EFHD1: variants seen among roughly 807,000 people sequenced by gnomAD.
The protein encoded by EFHD1 is EF-hand domain-containing protein D1.
EFHD1 carries 10 observed loss-of-function variants against 17.2 expected under a neutral mutation model. The observed-to-expected ratio is 0.58, with a 90% CI of 0.36 to 0.99. The LOEUF (loss-of-function observed/expected upper bound fraction) is 0.99. Ranked by LOEUF, EFHD1 falls within the 50% of genes least tolerant of loss-of-function variation. EFHD1 has a pLI of 0.01. For synonymous variants in EFHD1, 153 were observed against 142.0 expected (o/e 1.08, Z -0.55); for missense variants, 310 against 327.5 (o/e 0.95, Z 0.41).
chr2:232,656,573 C>T (rs564661016), intron 1 of EFHD1, among the ~76,000 whole-genome samples: 1 of 151,896 alleles, frequency 6.6e-6, no homozygotes, highest in Non-Finnish European at 1.5e-5. Flanking sequence ...GGAGCTGGAA[C>T]CACAGGCACA....
At chr2:232,666,498 A>G (rs936788146) in intron 2 of EFHD1, among the ~76,000 whole-genome samples, 1 of 152,186 alleles carries the variant, frequency 6.6e-6, no homozygotes, top group African/African-American at 2.4e-5. Flanking sequence ...GTGGCTTGCA[A>G]TTGCCAAATG....
chr2:232,662,153 G>A (rs1353482126), intron 1 of EFHD1, among the ~76,000 whole-genome samples: 1 of 152,098 alleles, frequency 6.6e-6, no homozygotes, highest in African/African-American at 2.4e-5. Flanking sequence ...TTTCCTGGCT[G>A]GGGGCTGGGG....
intron 2 of EFHD1, among the ~76,000 whole-genome samples, chr2:232,663,677 T>C (rs992837018): frequency 1.3e-5 from 2 of 152,112 alleles, no homozygotes; most frequent in Admixed American, 1.3e-4. Flanking sequence ...ACATGTGATA[T>C]CTCGATATAA....
intron 1 of EFHD1, among the ~76,000 whole-genome samples, chr2:232,615,336 T>A (rs62191606): frequency 3.7e-4 from 41 of 111,780 alleles, no homozygotes; most frequent in Non-Finnish European, 7.4e-4. Flanking sequence ...TGTGTGTGTG[T>A]GTGTGTGTGT....
intron 1 of EFHD1, among the ~76,000 whole-genome samples, chr2:232,611,048 T>C (rs774182883): frequency 9.2e-5 from 14 of 152,212 alleles, no homozygotes; most frequent in Middle Eastern, 3.4e-3. Context: ...CGTGGTGGTG[T>C]GCACCCATCG....
chr2:232,672,395 T>C lies in EFHD1; in HGVS notation c.537T>C (p.Asp179=), dbSNP rs748014873. 1 of 1,613,940 alleles carries C rather than the reference T, an allele frequency of 6.2e-7. No homozygotes were observed. The highest frequency in any genetic ancestry group is 8.5e-7 in the Non-Finnish European group (1 of 1,179,878). Residue 179 remains aspartate, a synonymous_variant, in exon 3 of 4, where the codon GAT becomes GAC. Transcript: ENST00000264059. ...CGCTGGCAAAGCTTTCTGAGATCGA[T>C]GTGGCCCTGGAGGGTGTCAAAGGTG... The part of the protein sequence containing the change: ...LMALAKLSEI[D]VALEGVKGAK...
chr2:232,610,359 C>A (rs894120058), intron 1 of EFHD1, among the ~76,000 whole-genome samples: 7 of 152,184 alleles, frequency 4.6e-5, no homozygotes, highest in African/African-American at 1.7e-4. Flanking sequence ...GAGAGAGGGC[C>A]TGGTCAGGAC....
chr2:232,676,647 G>A (rs930811784), intron 3 of EFHD1, among the ~76,000 whole-genome samples: 13 of 152,110 alleles, frequency 8.5e-5, no homozygotes, highest in Admixed American at 6.6e-5. Context: ...GGGTGCTTCT[G>A]GGCACCTCAC....
chr2:232,635,675 C>T (rs1449760042), intron 1 of EFHD1, among the ~76,000 whole-genome samples: 2 of 152,024 alleles, frequency 1.3e-5, no homozygotes, highest in African/African-American at 4.8e-5. Context: ...AAGAATTAGC[C>T]GGGAGTGGTG....
intron 1 of EFHD1, chr2:232,606,224 C>G: frequency 6.5e-7 from 1 of 1,544,536 alleles, no homozygotes; most frequent in Non-Finnish European, 8.8e-7. Flanking sequence ...CGATTTTCGA[C>G]GTTTTCCAGG....
chr2:232,608,143 G>A (rs1693753031), intron 1 of EFHD1, among the ~76,000 whole-genome samples: 1 of 152,162 alleles, frequency 6.6e-6, no homozygotes, highest in Non-Finnish European at 1.5e-5. Context: ...GCCAAGGCAG[G>A]TGGTTCACTT....
At chr2:232,638,225 T>C (rs1395085868) in intron 1 of EFHD1, 2 of 411,040 alleles carry the variant, frequency 4.9e-6, no homozygotes, top group South Asian at 1.9e-5. Flanking sequence ...CCTGGACTTA[T>C]CTGGAGGCCT....
chr2:232,613,673 A>C (rs201465436), intron 1 of EFHD1, among the ~76,000 whole-genome samples: 12 of 23,270 alleles, frequency 5.2e-4, no homozygotes, highest in East Asian at 2.2e-3. Context: ...CACACACACA[A>C]ATATACACAC....
At chr2:232,677,233 CACACACACGT>C (rs1695192306) in intron 3 of EFHD1, among the ~76,000 whole-genome samples, 1 of 140,092 alleles carries the variant, frequency 7.1e-6, no homozygotes. Context: ...CACACACACA[CACACACACGT>C]ACACACACAC....
In EFHD1 at chr2:232,681,838, C is replaced by A; in HGVS notation, c.*119C>A. 1.4e-6 allele frequency: 2 copies of A among 1,421,590 alleles called. No individual in the cohort carries two copies. Among genetic ancestry groups the A allele is most frequent in the Non-Finnish European group, 1.9e-6 (2 of 1,071,458 alleles). 88.1% of individuals were successfully genotyped at this position (1,421,590 alleles called of 1,614,324 possible). A position where few individuals can be genotyped will look rare whatever the true frequency, so the allele number is the denominator to read the frequency against. On this transcript the variant is annotated 3_prime_UTR_variant, in exon 4 of 4. Transcript: ENST00000264059. ...CCTGAGCCAGCATCTCCATCCACCA[C>A]CCCGTGCCAGCTCCCGTGCCAGCCT...
chr2:232,643,276 A>G (rs1033214632), intron 1 of EFHD1, among the ~76,000 whole-genome samples: 3 of 152,100 alleles, frequency 2.0e-5, no homozygotes, highest in African/African-American at 7.2e-5. Context: ...TCACCAGCCC[A>G]TCCGGGGTAG....
Position 232,681,613 on chromosome 2 carries a change from T to C in EFHD1, c.614T>C (p.Phe205Ser), listed in dbSNP as rs368721376. ...CAAGCCTTGTCATCGGCCAGTAAGTTTGAAGCAGAGTTGAAAGCTGAGCAA... is the reference window on the plus strand; with the variant it reads ...CAAGCCTTGTCATCGGCCAGTAAGTCTGAAGCAGAGTTGAAAGCTGAGCAA... ...KVQALSSASK[F>S]EAELKAEQDE... The change falls in exon 4 of 4, where the codon TTT (phenylalanine) becomes TCT (serine). Residue 205 changes from phenylalanine to serine, a missense_variant. Coordinates refer to ENST00000264059, the MANE Select transcript of EFHD1 (RefSeq NM_025202.4). 4 of 1,614,064 alleles carry C rather than the reference T, an allele frequency of 2.5e-6. No homozygotes were observed. The highest frequency in any genetic ancestry group is 3.4e-6 in the Non-Finnish European group (4 of 1,180,046).
chr2:232,611,099 GC>G (rs1464984880), intron 1 of EFHD1, among the ~76,000 whole-genome samples: 4 of 152,136 alleles, frequency 2.6e-5, no homozygotes, highest in Non-Finnish European at 4.4e-5. Flanking sequence ...GATCCCTTGA[GC>G]CCAGAAGGTT....
At chr2:232,670,024 G>C (rs1383883589) in intron 2 of EFHD1, among the ~76,000 whole-genome samples, 1 of 152,180 alleles carries the variant, frequency 6.6e-6, no homozygotes, top group Non-Finnish European at 1.5e-5. Flanking sequence ...TGATAGCTTG[G>C]AACGTATCAG....
Sources: gnomAD v4.1 joint callset for allele counts (sites outside exome capture counted in the v4.1 genomes callset) on GRCh38, gnomAD v4.1.1 for gene constraint, MANE v1.5 for transcripts, NCBI Gene and HGNC (gene_info 2026-07-23, HGNC 2026-07-21) for gene names.